VGLL4: variants seen among roughly 807,000 people sequenced by gnomAD.
The protein encoded by VGLL4 is vestigial like family member 4.
A neutral mutation model predicts 21.0 loss-of-function variants in VGLL4; 7 were observed. The ratio of observed to expected loss-of-function variants is 0.33; its 90% confidence interval spans 0.19 to 0.63. The LOEUF is 0.63. Among genes scored for constraint, VGLL4 ranks in the 20% least tolerant of loss-of-function variants. The probability of loss-of-function intolerance (pLI) is 0.78; values close to 1 mark genes in which losing one functional copy is unlikely to be tolerated. For synonymous variants in VGLL4, 222 were observed against 173.2 expected (o/e 1.28, Z -2.21); for missense variants, 394 against 425.7 (o/e 0.93, Z 0.66).
At position 11,559,586 on chromosome 3, in the gene VGLL4, A is replaced by C. The variant is rs2072778439; in HGVS notation, c.496-131T>G. On this transcript the variant is annotated intron_variant, in intron 3 of 4. Coordinates refer to ENST00000430365, the MANE Select transcript of VGLL4 (RefSeq NM_001128219.3). ...GACCCAGTCTGCCACCTCCCACTTC[A>C]ATACTGGAGTCCTGTTGCTAAACAC... 3.0e-6 allele frequency: 4 copies of C among 1,323,318 alleles called. No homozygotes were observed. The Admixed American group carries it at 1.3e-4, about 43-fold the overall frequency. The allele number at this position is 1,323,318 out of a possible 1,614,324, so 82.0% of individuals were successfully genotyped here.
chr3:11,700,068 C>T (rs1455138993), intron 2 of VGLL4, among the ~76,000 whole-genome samples: 2 of 152,248 alleles, frequency 1.3e-5, no homozygotes, highest in East Asian at 3.9e-4. Flanking sequence ...ATACATTTTA[C>T]AGCCATAAGC....
rs1477513541 is a variant in VGLL4, at chr3:11,653,510, A to G, written c.64+49461T>C. Among the ~76,000 whole-genome samples, 3 of 152,252 alleles carry G rather than the reference A, an allele frequency of 2.0e-5. No homozygotes were observed. In the East Asian group the frequency reaches 5.8e-4, roughly 29 times the overall value. ...GTCTAGTACTCCATTACTCCAATATATCGCAGATCCTTCATTCTACCACTG... is the reference window on the plus strand; with the variant it reads ...GTCTAGTACTCCATTACTCCAATATGTCGCAGATCCTTCATTCTACCACTG... On this transcript the variant is annotated intron_variant, in intron 2 of 5. Transcript: ENST00000273038. This position sits in a 1 kb window ranked among gnomAD's most constrained non-coding sequence, Gnocchi z 4.2.
intron 2 of VGLL4, among the ~76,000 whole-genome samples, chr3:11,684,728 T>TTC (rs2076420294): frequency 4.3e-5 from 3 of 70,568 alleles, no homozygotes; most frequent in African/African-American, 1.4e-4. Flanking sequence ...TTCAACCTTT[T>TTC]TCTGTGTGTG....
At chr3:11,600,133 A>G (rs188115360) in intron 2 of VGLL4, among the ~76,000 whole-genome samples, 1 of 152,298 alleles carries the variant, frequency 6.6e-6, no homozygotes, top group African/African-American at 2.4e-5. Flanking sequence ...GTGCTATACC[A>G]TGCCAAGCTC....
At chr3:11,628,170 CCT>C (rs2075394453) in intron 1 of VGLL4, among the ~76,000 whole-genome samples, 1 of 152,068 alleles carries the variant, frequency 6.6e-6, no homozygotes, top group East Asian at 1.9e-4. Context: ...GGGCAGATCA[CCT>C]GAGTTCGGGA....
chr3:11,592,514 C>G (rs1236285650), intron 2 of VGLL4, among the ~76,000 whole-genome samples: 1 of 151,952 alleles, frequency 6.6e-6, no homozygotes, highest in Non-Finnish European at 1.5e-5. Context: ...CCTCCATCCT[C>G]CTTTGTGTGT....
chr3:11,631,913 A>G (rs1024131994), intron 1 of VGLL4, among the ~76,000 whole-genome samples: 5 of 152,230 alleles, frequency 3.3e-5, no homozygotes, highest in Non-Finnish European at 5.9e-5. Context: ...AGAGCTCATC[A>G]TCAGAAATCC....
chr3:11,675,372 A>T (rs946356572), intron 2 of VGLL4, among the ~76,000 whole-genome samples: 21 of 152,144 alleles, frequency 1.4e-4, no homozygotes, highest in Middle Eastern at 3.4e-3. Flanking sequence ...AAAAATAAAA[A>T]AATGTAACAT....
intron 1 of VGLL4, among the ~76,000 whole-genome samples, chr3:11,631,017 G>A (rs1422907113): frequency 6.6e-6 from 1 of 152,222 alleles, no homozygotes; most frequent in East Asian, 1.9e-4. Flanking sequence ...TAGAAGAGAT[G>A]AGCAAATTGT....
At chr3:11,561,986 G>A (rs560636525) in intron 3 of VGLL4, among the ~76,000 whole-genome samples, 122 of 143,012 alleles carry the variant, frequency 8.5e-4, no homozygotes, top group African/African-American at 3.0e-3. Context: ...TGCAAGCTCC[G>A]CCTTCCGGGT....
intron 1 of VGLL4, among the ~76,000 whole-genome samples, chr3:11,614,350 C>T (rs1283455985): frequency 1.3e-5 from 2 of 152,258 alleles, no homozygotes; most frequent in Non-Finnish European, 1.5e-5. Context: ...TTCTCAGCAA[C>T]ACCATTGTGT....
rs769837438 is a variant in VGLL4 at position 11,559,463 on chromosome 3, G to A, written c.496-8C>T. The A allele has an allele frequency of 6.4e-7, 1 of 1,551,938 alleles. No homozygotes were observed. Among genetic ancestry groups the A allele is most frequent in the Non-Finnish European group, 8.7e-7 (1 of 1,148,720 alleles). On this transcript the variant is annotated splice_region_variant and splice_polypyrimidine_tract_variant and intron_variant, in intron 3 of 4. Transcript: ENST00000430365. ...GATCACGGAGGGCCGGTTCTGCGGG[G>A]AGGAGGGGTGTCAGTATGTGGAGAC...
At chr3:11,582,076 A>G (rs1209555238) in intron 2 of VGLL4, among the ~76,000 whole-genome samples, 1 of 152,208 alleles carries the variant, frequency 6.6e-6, no homozygotes, top group African/African-American at 2.4e-5. Context: ...TGTGCATGGC[A>G]CAAATCTGAT....
intron 1 of VGLL4, among the ~76,000 whole-genome samples, chr3:11,632,733 C>T (rs1476133145): frequency 6.6e-6 from 1 of 152,178 alleles, no homozygotes; most frequent in East Asian, 1.9e-4. Context: ...CTCTTCATAA[C>T]CTGTAATTAT....
chr3:11,663,768 C>G (rs1309778388), intron 2 of VGLL4, among the ~76,000 whole-genome samples: 1 of 152,078 alleles, frequency 6.6e-6, no homozygotes, highest in Non-Finnish European at 1.5e-5. Context: ...GCTGTACACA[C>G]TGAAGGGTTT....
chr3:11,610,311 C>T (rs568046373), intron 1 of VGLL4: 5 of 152,314 alleles, frequency 3.3e-5, no homozygotes, highest in African/African-American at 1.2e-4. Context: ...GAGAAGACAC[C>T]GTGAAGTCAA....
chr3:11,677,909 C>CA (rs35366594), intron 2 of VGLL4, among the ~76,000 whole-genome samples: 16,130 of 120,826 alleles, frequency 0.13, 1,356 homozygotes, highest in East Asian at 0.3. Context: ...CTTCGTCTTT[C>CA]AAAAAAAAAA....
chr3:11,583,176 T>C (rs1390525148), intron 2 of VGLL4, among the ~76,000 whole-genome samples: 1 of 152,244 alleles, frequency 6.6e-6, no homozygotes, highest in Non-Finnish European at 1.5e-5. Flanking sequence ...CAAGCCCAGC[T>C]GCTTTCAGAA....
chr3:11,610,329 C>A (rs1206212122), intron 1 of VGLL4: 1 of 152,250 alleles, frequency 6.6e-6, no homozygotes, highest in African/African-American at 2.4e-5. Context: ...CAATCTCCTT[C>A]AAATTGTTCA....
Sources: allele counts gnomAD v4.1 joint callset (sites outside exome capture counted in the v4.1 genomes callset), GRCh38; gene constraint gnomAD v4.1.1; non-coding constraint Gnocchi (gnomAD v3.1); transcripts MANE v1.5; gene names NCBI Gene and HGNC (gene_info 2026-07-23, HGNC 2026-07-21).